The following CSMD1 variants were observed in gnomAD, a reference collection of about 807,000 sequenced individuals.
The protein encoded by CSMD1 is CUB and Sushi multiple domains 1, also known as CUB and sushi domain-containing protein 1.
Under a neutral mutation model 417.5 loss-of-function variants are expected in CSMD1, and 213 were observed. The ratio of observed to expected loss-of-function variants is 0.51; its 90% CI spans 0.46 to 0.57. The LOEUF is 0.57. Ranked by LOEUF, CSMD1 falls within the 20% of genes least tolerant of loss-of-function variation. CSMD1 has a pLI of 0.00. For missense variants in CSMD1, 6,923 were observed against 4,529.7 expected (o/e 1.53, Z -15.17); for synonymous variants, 2,862 against 1,736.8 (o/e 1.65, Z -16.11).
At chr8:4,483,967 C>T (rs566069767) in intron 2 of CSMD1, among the ~76,000 whole-genome samples, 4 of 152,122 alleles carry the variant, frequency 2.6e-5, no homozygotes, top group Admixed American at 1.3e-4. Context: ...GACAGTCCTG[C>T]GTTTTCGGAG....
chr8:4,617,462 G>C (rs1018258938), intron 2 of CSMD1, among the ~76,000 whole-genome samples: 18 of 152,092 alleles, frequency 1.2e-4, no homozygotes, highest in Non-Finnish European at 1.8e-4. Flanking sequence ...CAAATGCCTT[G>C]CCAGAAACAG....
In CSMD1 at chr8:4,788,561, A is replaced by G. The variant is rs10106374; in HGVS notation, c.86-151003T>C. The G allele has an allele frequency of 0.01, 13,694 of 1,365,598 alleles. 1,134 individuals are homozygous for G. In the African/African-American group the frequency reaches 0.18, roughly 17 times the overall value. 84.6% of individuals were successfully genotyped at this position (1,365,598 alleles called of 1,614,324 possible). A position where few individuals can be genotyped will look rare whatever the true frequency, so the allele number is the denominator to read the frequency against. On this transcript the variant is annotated intron_variant, in intron 1 of 69. Transcript: ENST00000635120. ...ATGTATTTCCTTGAAGCAGGCTGACAAGAAAATCAGAGAATGTAATTTATA... is the reference window on the plus strand; with the variant it reads ...ATGTATTTCCTTGAAGCAGGCTGACGAGAAAATCAGAGAATGTAATTTATA...
intron 30 of CSMD1, among the ~76,000 whole-genome samples, chr8:3,211,265 G>C (rs1471056666): frequency 6.6e-6 from 1 of 152,108 alleles, no homozygotes; most frequent in Non-Finnish European, 1.5e-5. Context: ...GACTAGTCTT[G>C]AATTCTGGTC....
chr8:4,465,824 C>G (rs114413472), intron 2 of CSMD1, among the ~76,000 whole-genome samples: 2 of 152,120 alleles, frequency 1.3e-5, no homozygotes, highest in South Asian at 4.1e-4. Context: ...CCCCACATTC[C>G]TGAAGTATCT....
chr8:4,292,620 G>C (rs1287530323), intron 3 of CSMD1, among the ~76,000 whole-genome samples: 1 of 152,026 alleles, frequency 6.6e-6, no homozygotes, highest in Non-Finnish European at 1.5e-5. Flanking sequence ...TAAACATGTT[G>C]ATATTTTCTG....
chr8:4,828,563 A>C (rs1436695693), intron 1 of CSMD1, among the ~76,000 whole-genome samples: 1 of 152,090 alleles, frequency 6.6e-6, no homozygotes, highest in African/African-American at 2.4e-5. Flanking sequence ...GCTCTTTCAC[A>C]AACTCCAGAC....
chr8:3,942,030 A>C (rs1047173753), intron 5 of CSMD1, among the ~76,000 whole-genome samples: 2 of 151,964 alleles, frequency 1.3e-5, no homozygotes, highest in African/African-American at 4.8e-5. Context: ...TTAGATTCTT[A>C]TAGGCGCGCA....
At chr8:4,472,760 T>A (rs1441830412) in intron 2 of CSMD1, among the ~76,000 whole-genome samples, 1 of 152,010 alleles carries the variant, frequency 6.6e-6, no homozygotes, top group African/African-American at 2.4e-5. Context: ...CTTCTTTTAA[T>A]ATAGAAAGTT....
At chr8:4,401,210 G>A (rs1025750715) in intron 3 of CSMD1, among the ~76,000 whole-genome samples, 2 of 152,104 alleles carry the variant, frequency 1.3e-5, no homozygotes, top group East Asian at 1.9e-4. Flanking sequence ...AACGGTTTCT[G>A]AAATAACTTA....
intron 4 of CSMD1, among the ~76,000 whole-genome samples, chr8:4,024,759 C>T (rs68128273): frequency 9.2e-5 from 14 of 152,002 alleles, no homozygotes; most frequent in Non-Finnish European, 1.3e-4. Flanking sequence ...CTGTGAAGTA[C>T]GGCATACATA....
At chr8:4,441,272 T>G (rs13265773) in intron 2 of CSMD1, among the ~76,000 whole-genome samples, 5,703 of 139,926 alleles carry the variant, frequency 0.041, 165 homozygotes, top group Middle Eastern at 0.07. Context: ...TTTTTTTTTT[T>G]TTTTTTTTTT....
intron 5 of CSMD1, among the ~76,000 whole-genome samples, chr8:3,956,150 T>A (rs1427842776): frequency 1.3e-5 from 2 of 151,114 alleles, no homozygotes; most frequent in African/African-American, 2.4e-5. Flanking sequence ...CAAAATCTAA[T>A]AATCTTAGAT....
At chr8:3,254,894 C>G (rs776361741) in intron 26 of CSMD1, among the ~76,000 whole-genome samples, 5 of 152,180 alleles carry the variant, frequency 3.3e-5, no homozygotes, top group African/African-American at 7.2e-5. Context: ...CTCCATCCAG[C>G]TTTGTTCCAT....
intron 5 of CSMD1, among the ~76,000 whole-genome samples, chr8:3,967,748 G>A (rs986798802): frequency 2.9e-4 from 44 of 152,098 alleles, no homozygotes; most frequent in Non-Finnish European, 5.6e-4. Context: ...CAAGAAGAAA[G>A]AACCTAATTT....
intron 5 of CSMD1, among the ~76,000 whole-genome samples, chr8:3,867,992 C>G (rs1164495084): frequency 2.0e-5 from 3 of 152,146 alleles, no homozygotes. Flanking sequence ...CCAAGATTCT[C>G]AGGTCACACA....
intron 12 of CSMD1, among the ~76,000 whole-genome samples, chr8:3,447,761 C>T (rs1057161440): frequency 7.9e-5 from 12 of 152,292 alleles, no homozygotes; most frequent in Non-Finnish European, 1.3e-4. Context: ...TCAGGTTCTC[C>T]GTGTTCCTGG....
intron 2 of CSMD1, among the ~76,000 whole-genome samples, chr8:4,616,262 C>A (rs933493950): frequency 9.2e-5 from 14 of 152,098 alleles, no homozygotes; most frequent in African/African-American, 3.4e-4. Flanking sequence ...GAATGGTTTA[C>A]CAATTGTACA....
At chr8:4,485,753 T>G (rs1166234040) in intron 2 of CSMD1, among the ~76,000 whole-genome samples, 2 of 152,158 alleles carry the variant, frequency 1.3e-5, no homozygotes, top group Non-Finnish European at 2.9e-5. Flanking sequence ...TCCAATGGCT[T>G]TACTTTTCCA....
At chr8:3,520,025 T>TAC (rs1363684240) in intron 10 of CSMD1, among the ~76,000 whole-genome samples, 2 of 144,644 alleles carry the variant, frequency 1.4e-5, no homozygotes, top group African/African-American at 5.3e-5. Flanking sequence ...TATACCTATA[T>TAC]ATATATATAT....
Sources: allele counts gnomAD v4.1 joint callset (sites outside exome capture counted in the v4.1 genomes callset), GRCh38; gene constraint gnomAD v4.1.1; transcripts MANE v1.5; gene names NCBI Gene and HGNC (gene_info 2026-07-23, HGNC 2026-07-21).